Variants in NYNRIN observed in about 807,000 individuals in gnomAD.
NYNRIN encodes the protein NYN domain and retroviral integrase containing.
A neutral mutation model predicts 146.6 loss-of-function variants in NYNRIN; 86 were observed. That is an observed-to-expected ratio of 0.59 (90% confidence interval 0.49 to 0.70). The LOEUF (loss-of-function observed/expected upper bound fraction) is 0.70, where lower values mean the gene tolerates loss of function less well. Ranked by LOEUF, NYNRIN falls within the 30% of genes least tolerant of loss-of-function variation. The pLI, the probability that NYNRIN is intolerant of heterozygous loss-of-function variation, is 0.00. For missense variants in NYNRIN, 2,191 were observed against 2,377.7 expected, an observed-to-expected ratio of 0.92 and a Z score of 1.63; for synonymous variants, 1,027 against 1,001.3, an observed-to-expected ratio of 1.03 and a Z score of -0.48.
chr14:24,418,565 G>A lies in NYNRIN; in HGVS notation c.*1119G>A, dbSNP rs948961229. 3 of 249,448 alleles carry A rather than the reference G, an allele frequency of 1.2e-5. No individual in the cohort carries two copies. Among genetic ancestry groups the A allele is most frequent in the Non-Finnish European group, 2.4e-5 (3 of 124,928 alleles). The allele number at this position is 249,448 out of a possible 1,614,324, so 15.5% of individuals were successfully genotyped here. A position where few individuals can be genotyped will look rare whatever the true frequency, so the allele number is the denominator to read the frequency against. On this transcript the variant is annotated 3_prime_UTR_variant, in exon 9 of 9. Coordinates refer to ENST00000382554, the MANE Select transcript of NYNRIN (RefSeq NM_025081.3). ...TGCAGAGATCACCCTTGCAGTGAGT[G>A]TGAGTTCCTTCCAGGTGTGTGCGCG...
At position 24,408,379 on chromosome 14, in the gene NYNRIN, G is replaced by T. The variant is rs779532173; in HGVS notation, c.709G>T (p.Val237Leu). Residue 237 changes from valine (V) to leucine (L), a missense_variant, in exon 3 of 9, where the codon GTG (valine) becomes TTG (leucine). Transcript: ENST00000382554. Reference protein sequence around the residue: ...QQKEAPAMVSVGESPGPFVDM... With the variant: ...QQKEAPAMVSLGESPGPFVDM... ...GAAGGAAGCCCCAGCCATGGTGTCC[G>T]TGGGAGAGAGTCCTGGACCCTTTGT... The T allele has an allele frequency of 3.1e-6, 5 of 1,613,784 alleles. No homozygotes were observed. Among genetic ancestry groups the T allele is most frequent in the Non-Finnish European group, 4.2e-6 (5 of 1,179,904 alleles).
At position 24,414,845 on chromosome 14, in the gene NYNRIN, G is replaced by A. The variant is rs748336726; in HGVS notation, c.3096G>A (p.Pro1032=). ...SLASVFRVEC[P]SLSEEILRCL... is the part of the protein sequence containing the mutation. Reference sequence around the variant, plus strand: ...CGTCAGTGTTCAGGGTGGAGTGCCCGTCCCTTTCGGAGGAGATCCTGCGGT... The same window carrying A: ...CGTCAGTGTTCAGGGTGGAGTGCCCATCCCTTTCGGAGGAGATCCTGCGGT... Residue 1032 remains proline, a synonymous_variant, in exon 9 of 9, where the codon CCG becomes CCA. Coordinates refer to ENST00000382554, the MANE Select transcript of NYNRIN (RefSeq NM_025081.3). 2.4e-5 allele frequency: 38 copies of A among 1,612,308 alleles called. No individual in the cohort carries two copies. The highest frequency in any genetic ancestry group is 2.9e-5 in the Non-Finnish European group (34 of 1,178,884).
intron 8 of NYNRIN, among the ~76,000 whole-genome samples, chr14:24,413,951 A>G (rs1162152159): frequency 1.3e-5 from 2 of 152,160 alleles, no homozygotes; most frequent in Non-Finnish European, 2.9e-5. Context: ...GTTATATGTA[A>G]ATGACCACTG....
At chr14:24,402,389 G>A (rs1381516757) in intron 2 of NYNRIN, among the ~76,000 whole-genome samples, 1 of 152,146 alleles carries the variant, frequency 6.6e-6, no homozygotes, top group Non-Finnish European at 1.5e-5. Flanking sequence ...GGGCGGCAGA[G>A]AAGAGAGGTG....
At position 24,408,979 on chromosome 14, in the gene NYNRIN, A is replaced by T. The variant is rs1161291091; in HGVS notation, c.1185A>T (p.Arg395Ser). The change falls in exon 4 of 9, where the codon AGA becomes AGT. Residue 395 changes from arginine to serine, a missense_variant. Around this residue, in one of 3 missense-constraint regions of NYNRIN, gnomAD observed 895 missense variants for 941.2 expected, o/e 0.95. Coordinates refer to ENST00000382554, the MANE Select transcript of NYNRIN (RefSeq NM_025081.3). ...QACFNFPFWQ[R>S]PLGPIQLKLP... Reference sequence around the variant, plus strand: ...GCTTCAATTTCCCCTTCTGGCAGAGACCTCTGGGCCCCATTCAGTTGAAGC... The same window carrying T: ...GCTTCAATTTCCCCTTCTGGCAGAGTCCTCTGGGCCCCATTCAGTTGAAGC... 1.9e-6 allele frequency: 3 copies of T among 1,613,684 alleles called. No individual in the cohort carries two copies. The highest frequency in any genetic ancestry group is 2.2e-5 in the East Asian group (1 of 44,868).
rs765063431 is a variant in NYNRIN at position 24,409,748 on chromosome 14, A to ACAGTTTCCAAAGCACCTG, written c.1958_1975dup (p.Val653_Ala658dup). 3,757 of 1,610,340 alleles carry ACAGTTTCCAAAGCACCTG rather than the reference A, an allele frequency of 2.3e-3. 87 individuals are homozygous for ACAGTTTCCAAAGCACCTG. The African/African-American group carries it at 0.043, about 18-fold the overall frequency. ...CAAAGCTCAAGCCGGGCCTGCAGCT[A>ACAGTTTCCAAAGCACCTG]CAGTTTCCAAAGCACCTGCAGCTTC... On this transcript the variant is annotated inframe_insertion, in exon 4 of 9. Transcript: ENST00000382554.
intron 2 of NYNRIN, among the ~76,000 whole-genome samples, chr14:24,404,823 C>G (rs1182498702): frequency 6.6e-6 from 1 of 152,168 alleles, no homozygotes; most frequent in African/African-American, 2.4e-5. Context: ...ATGAGTTTCT[C>G]TGCGTTTAGC....
Position 24,409,427 on chromosome 14 carries a change from A to C in NYNRIN, c.1633A>C (p.Lys545Gln). Residue 545 changes from lysine (K) to glutamine (Q), a missense_variant, in exon 4 of 9, where the codon AAA becomes CAA. Lys to Gln is a moderately conservative substitution (Grantham distance 53). This residue lies in a region of NYNRIN where 895 missense variants were observed against 941.2 expected (regional missense o/e 0.95). Transcript: ENST00000382554. ...AGCTCAAACAGTGCCTGAAACTCTCAAAGTGCCCATGGCTGCAGCAGTGCC... is the reference window on the plus strand; with the variant it reads ...AGCTCAAACAGTGCCTGAAACTCTCCAAGTGCCCATGGCTGCAGCAGTGCC... ...PGAQTVPETL[K>Q]VPMAAAVPKA... The C allele has an allele frequency of 6.2e-7, 1 of 1,614,048 alleles. No individual in the cohort carries two copies. The highest frequency in any genetic ancestry group is 1.1e-5 in the South Asian group (1 of 91,090).
At position 24,415,016 on chromosome 14, in the gene NYNRIN, C is replaced by T; in HGVS notation, c.3267C>T (p.Ser1089=). The change falls in exon 9 of 9, where the codon AGC becomes AGT. Residue 1089 remains serine, a synonymous_variant. Transcript: ENST00000382554. ...LAHLAQLTIP[S]NFTALSFFMG... ...ACCTGGCCCAGCTCACCATCCCCAG[C>T]AACTTCACCGCACTCTCCTTCTTCA... 6.2e-7 allele frequency: 1 copy of T among 1,604,068 alleles called. No individual in the cohort carries two copies. Among genetic ancestry groups the T allele is most frequent in the Non-Finnish European group, 8.5e-7 (1 of 1,172,430 alleles).
Position 24,408,101 on chromosome 14 carries a change from G to C in NYNRIN, c.431G>C (p.Gly144Ala). ...GAGCTGGTGGGGCGACTGCGCTGGG[G>C]CCCTGCCCCTCTGCTGACCCCCCGG... is the stretch of plus-strand genomic sequence containing the variant. The part of the protein sequence containing the change: ...LEELVGRLRW[G>A]PAPLLTPRGI... Residue 144 changes from glycine (G) to alanine (A), a missense_variant, in exon 3 of 9, where the codon GGC (glycine) becomes GCC (alanine). Physicochemically the swap from Gly to Ala is moderately conservative, Grantham distance 60 (BLOSUM62 0). Transcript: ENST00000382554. 6.2e-7 allele frequency: 1 copy of C among 1,612,592 alleles called. No homozygotes were observed. The highest frequency in any genetic ancestry group is 8.5e-7 in the Non-Finnish European group (1 of 1,179,674).
At chr14:24,399,511 G>C in intron 2 of NYNRIN, 67 bp downstream of exon 2, 1 of 1,414,754 alleles carries the variant, frequency 7.1e-7, no homozygotes, top group Non-Finnish European at 9.6e-7. Flanking sequence ...TTCCCCTGGG[G>C]AGATGGTGGT....
Position 24,415,575 on chromosome 14 carries a change from C to T in NYNRIN, c.3826C>T (p.Gln1276Ter), listed in dbSNP as rs1277118098. ...GAGGGCCCTGGAATTGGCCCTCCTCCAGGGCCTGCTGGGGGAGAACCGCCT... is the reference window on the plus strand; with the variant it reads ...GAGGGCCCTGGAATTGGCCCTCCTCTAGGGCCTGCTGGGGGAGAACCGCCT... ...GKRALELALL[Q>*]GLLGENRLLT... Residue 1276 changes from glutamine to a stop codon, truncating the protein, a stop_gained, in exon 9 of 9, where the codon CAG (glutamine) becomes TAG (stop). Transcript: ENST00000382554. LOFTEE classifies it high-confidence loss of function. The T allele has an allele frequency of 4.3e-6, 7 of 1,613,842 alleles. No homozygotes were observed.
chr14:24,416,172 A>G lies in NYNRIN; in HGVS notation c.4423A>G (p.Arg1475Gly). Residue 1475 changes from arginine (R) to glycine (G), a missense_variant, in exon 9 of 9, where the codon AGG becomes GGG. This residue lies in a region of NYNRIN where 1,291 missense variants were observed against 1,417.0 expected (regional missense o/e 0.91). Transcript: ENST00000382554. The part of the protein sequence containing the change: ...PTVSPHAMGK[R>G]PNLLALQLSD... ...AGTGAGTCCCCATGCCATGGGCAAG[A>G]GGCCCAATTTGCTGGCATTACAGCT... is the stretch of plus-strand genomic sequence containing the variant. The G allele has an allele frequency of 1.9e-6, 3 of 1,613,962 alleles. No individual in the cohort carries two copies. Among genetic ancestry groups the G allele is most frequent in the East Asian group, 4.5e-5 (2 of 44,870 alleles).
rs1009271726 is a variant in NYNRIN at position 24,407,888 on chromosome 14, G to C, written c.218G>C (p.Cys73Ser). The C allele has an allele frequency of 6.2e-7, 1 of 1,611,566 alleles. No individual in the cohort carries two copies. Among genetic ancestry groups the C allele is most frequent in the Non-Finnish European group, 8.5e-7 (1 of 1,178,564 alleles). ...GCCCAGGAATACCTGAAGGGCCTGTGCAGCCCAGAGCTGTGGAAAGAGGTT... is the reference window on the plus strand; with the variant it reads ...GCCCAGGAATACCTGAAGGGCCTGTCCAGCCCAGAGCTGTGGAAAGAGGTT... ...GKAKEYLKGL[C>S]SPELWKEVRY... The change falls in exon 3 of 9, where the codon TGC becomes TCC. Residue 73 changes from cysteine (C) to serine (S), a missense_variant. Cys to Ser is a moderately radical substitution (Grantham distance 112). Coordinates refer to ENST00000382554, the MANE Select transcript of NYNRIN (RefSeq NM_025081.3).
At chr14:24,414,219 T>C (rs982858826) in intron 8 of NYNRIN, among the ~76,000 whole-genome samples, 6 of 152,258 alleles carry the variant, frequency 3.9e-5, no homozygotes, top group Admixed American at 6.5e-5. Flanking sequence ...ACAAGCTCCT[T>C]GTCAGGCTCT....
rs2042910733 is a variant in NYNRIN at position 24,411,176 on chromosome 14, T to C, written c.2515T>C (p.Trp839Arg). ...HREVTVFVPT[W>R]QLKKNRRVRE... ...AGAGGTCACTGTGTTTGTACCCACC[T>C]GGCAGCTGAAGAAGAACCGGAGGGT... Residue 839 changes from tryptophan (W) to arginine (R), a missense_variant, in exon 5 of 9, where the codon TGG becomes CGG. Physicochemically the swap from Trp to Arg is moderately radical, Grantham distance 101. This residue lies in a region of NYNRIN where 1,291 missense variants were observed against 1,417.0 expected (regional missense o/e 0.91). Coordinates refer to ENST00000382554, the MANE Select transcript of NYNRIN (RefSeq NM_025081.3). This position sits in a 1 kb window ranked among gnomAD's most constrained non-coding sequence, Gnocchi z 4.3. 6.2e-7 allele frequency: 1 copy of C among 1,605,844 alleles called. No homozygotes were observed. The highest frequency in any genetic ancestry group is 2.2e-5 in the East Asian group (1 of 44,830).
chr14:24,414,709 C>A lies in NYNRIN; in HGVS notation c.2960C>A (p.Pro987Gln). The A allele has an allele frequency of 6.2e-7, 1 of 1,613,216 alleles. No individual in the cohort carries two copies. Among genetic ancestry groups the A allele is most frequent in the Non-Finnish European group, 8.5e-7 (1 of 1,179,606 alleles). ...DADSGPLESLPNMEEVREEKE... is the reference protein window; with the variant it reads ...DADSGPLESLQNMEEVREEKE... Reference sequence around the variant, plus strand: ...GACTCTGGGCCCCTGGAGAGTCTGCCGAATATGGAAGAAGTCAGGGAAGAG... The same window carrying A: ...GACTCTGGGCCCCTGGAGAGTCTGCAGAATATGGAAGAAGTCAGGGAAGAG... Residue 987 changes from proline (P) to glutamine (Q), a missense_variant, in exon 9 of 9, where the codon CCG becomes CAG. Coordinates refer to ENST00000382554, the MANE Select transcript of NYNRIN (RefSeq NM_025081.3).
Position 24,407,907 on chromosome 14 carries a change from A to G in NYNRIN, c.237A>G (p.Lys79=), listed in dbSNP as rs1299251385. 1.2e-6 allele frequency: 2 copies of G among 1,613,598 alleles called. No individual in the cohort carries two copies. Among genetic ancestry groups the G allele is most frequent in the Non-Finnish European group, 1.7e-6 (2 of 1,179,662 alleles). Residue 79 remains lysine (K), a synonymous_variant, in exon 3 of 9, where the codon AAA becomes AAG. Coordinates refer to ENST00000382554, the MANE Select transcript of NYNRIN (RefSeq NM_025081.3). ...GCCTGTGCAGCCCAGAGCTGTGGAA[A>G]GAGGTTCGCTACCCACCGATCCTGC... ...LKGLCSPELW[K]EVRYPPILHC... is the part of the protein sequence containing the mutation.
chr14:24,413,268 T>C (rs755118132), intron 7 of NYNRIN, 48 bp from the exon 8 acceptor site: 108 of 1,548,152 alleles, frequency 7.0e-5, no homozygotes, highest in Non-Finnish European at 9.1e-5. Flanking sequence ...AGGGTGTGGG[T>C]GGGTCAAGGG....
Sources: gnomAD v4.1 joint callset for allele counts (sites outside exome capture counted in the v4.1 genomes callset) on GRCh38, gnomAD v4.1.1 for gene constraint, gnomAD v4.1.1 regional missense constraint, Gnocchi (gnomAD v3.1) non-coding constraint, MANE v1.5 for transcripts, NCBI Gene and HGNC (gene_info 2026-07-23, HGNC 2026-07-21) for gene names.